Variants in ZBTB20 observed in about 807,000 individuals in gnomAD.
ZBTB20 encodes zinc finger and BTB domain-containing protein 20.
ZBTB20 carries 9 observed loss-of-function variants against 56.9 expected under a neutral mutation model. The observed-to-expected ratio is 0.16, with a 90% confidence interval of 0.10 to 0.28. ZBTB20 has a LOEUF of 0.28. Among genes scored for constraint, ZBTB20 ranks in the 10% least tolerant of loss-of-function variants. The pLI is 1.00. For synonymous variants in ZBTB20, 417 were observed against 420.7 expected (o/e 0.99, Z 0.11); for missense variants, 655 against 1,003.0 (o/e 0.65, Z 4.69).
chr3:114,397,350 T>TACA (rs1381855241), intron 7 of ZBTB20, among the ~76,000 whole-genome samples: 1 of 152,170 alleles, frequency 6.6e-6, no homozygotes, highest in Non-Finnish European at 1.5e-5. Flanking sequence ...TAAAAGGATC[T>TACA]ACACCATGCA....
At position 114,847,257 on chromosome 3, in the gene ZBTB20, T is replaced by C. The variant is rs904189697; in HGVS notation, c.-416-46083A>G. Among the ~76,000 whole-genome samples the C allele has an allele frequency of 2.7e-5, 4 of 149,768 alleles. No homozygotes were observed. In the Admixed American group the frequency reaches 2.7e-4, roughly 10 times the overall value. On this transcript the variant is annotated intron_variant, in intron 4 of 11. Transcript: ENST00000675478. ...AGGGATACCGTCATTACTTCAGATT[T>C]GGGACCTTACCTTTAGAATTGGTTC...
At chr3:115,079,624 C>T (rs759077513) in intron 1 of ZBTB20, among the ~76,000 whole-genome samples, 6 of 152,136 alleles carry the variant, frequency 3.9e-5, no homozygotes, top group African/African-American at 9.7e-5. Context: ...GAACTCCTGA[C>T]CTCAAGTGAT....
At chr3:114,784,327 T>C (rs2070333810) in intron 5 of ZBTB20, among the ~76,000 whole-genome samples, 1 of 152,210 alleles carries the variant, frequency 6.6e-6, no homozygotes. Flanking sequence ...AAGCAGTAGA[T>C]GAACAGAAAC....
intron 4 of ZBTB20, among the ~76,000 whole-genome samples, chr3:114,808,557 C>T (rs570478923): frequency 1.3e-5 from 2 of 151,940 alleles, no homozygotes; most frequent in African/African-American, 4.8e-5. Context: ...AATCTGTCAT[C>T]TTCTCTCCTT....
chr3:114,749,485 G>A (rs139849559), intron 5 of ZBTB20, among the ~76,000 whole-genome samples: 39 of 151,832 alleles, frequency 2.6e-4, no homozygotes, highest in South Asian at 4.2e-4. Flanking sequence ...CCCAGGAGGC[G>A]GAGCTTGCAG....
chr3:115,034,370 T>TAATA (rs764655558), intron 2 of ZBTB20, among the ~76,000 whole-genome samples: 1 of 150,424 alleles, frequency 6.6e-6, no homozygotes, highest in Non-Finnish European at 1.5e-5. Context: ...CTGTTAGAAC[T>TAATA]AATAAATAAA....
chr3:115,070,768 A>C (rs972752294), intron 2 of ZBTB20, among the ~76,000 whole-genome samples: 5 of 152,034 alleles, frequency 3.3e-5, no homozygotes, highest in African/African-American at 9.7e-5. Context: ...GCATAAGAAG[A>C]CTCCTACCCA....
intron 6 of ZBTB20, among the ~76,000 whole-genome samples, chr3:114,632,772 T>C (rs1404579892): frequency 6.6e-6 from 1 of 152,208 alleles, no homozygotes; most frequent in Non-Finnish European, 1.5e-5. Flanking sequence ...GGGAGGCACA[T>C]GGGCTGATAA....
intron 4 of ZBTB20, among the ~76,000 whole-genome samples, chr3:114,828,279 C>T (rs1302952733): frequency 6.6e-6 from 1 of 151,628 alleles, no homozygotes; most frequent in African/African-American, 2.4e-5. Flanking sequence ...CTTTATTGCA[C>T]ATACATATTT....
At chr3:115,047,907 C>G (rs1213385979) in intron 2 of ZBTB20, among the ~76,000 whole-genome samples, 2 of 152,106 alleles carry the variant, frequency 1.3e-5, no homozygotes, top group African/African-American at 4.8e-5. Context: ...ATAAACAAAA[C>G]TAATACTTAT....
intron 4 of ZBTB20, among the ~76,000 whole-genome samples, chr3:114,884,714 G>A (rs1349990275): frequency 6.6e-6 from 1 of 152,024 alleles, no homozygotes; most frequent in Non-Finnish European, 1.5e-5. Flanking sequence ...TATATATTCC[G>A]AAAAAGTTCT....
At chr3:115,124,741 A>G (rs1238654955) in intron 1 of ZBTB20, among the ~76,000 whole-genome samples, 4 of 152,200 alleles carry the variant, frequency 2.6e-5, no homozygotes, top group Non-Finnish European at 1.5e-5. Context: ...CTGAGGAAAC[A>G]CAAGAACATA....
chr3:114,652,465 CT>C (rs1428543092), intron 6 of ZBTB20, among the ~76,000 whole-genome samples: 1 of 151,924 alleles, frequency 6.6e-6, no homozygotes, highest in African/African-American at 2.4e-5. Context: ...ATAAACTTGC[CT>C]GTACAAATCT....
chr3:114,387,235 T>C (rs1402211906), intron 8 of ZBTB20: 7 of 152,180 alleles, frequency 4.6e-5, no homozygotes, highest in Admixed American at 2.6e-4. Context: ...GCCCGAAGCA[T>C]TGTCAACCCA....
At chr3:114,754,950 T>C (rs2067892643) in intron 5 of ZBTB20, among the ~76,000 whole-genome samples, 1 of 152,190 alleles carries the variant, frequency 6.6e-6, no homozygotes, top group Non-Finnish European at 1.5e-5. Flanking sequence ...ACTAGAAATG[T>C]TTAAAGTCAC....
chr3:115,068,213 T>G (rs1048656155), intron 2 of ZBTB20, among the ~76,000 whole-genome samples: 28 of 151,918 alleles, frequency 1.8e-4, no homozygotes, highest in Admixed American at 1.6e-3. Context: ...ATAAATAGTA[T>G]GTATTGTATA....
chr3:114,525,107 T>C (rs1049985789), intron 6 of ZBTB20, among the ~76,000 whole-genome samples: 1 of 152,198 alleles, frequency 6.6e-6, no homozygotes, highest in South Asian at 2.1e-4. Context: ...ATGTTCTTCA[T>C]GGCACTAATC....
intron 7 of ZBTB20, among the ~76,000 whole-genome samples, chr3:114,417,131 G>A (rs747495885): frequency 1.3e-5 from 2 of 152,086 alleles, no homozygotes; most frequent in African/African-American, 2.4e-5. Flanking sequence ...TTTCAGTGAT[G>A]TGCAGAATGG....
intron 6 of ZBTB20, among the ~76,000 whole-genome samples, chr3:114,667,901 T>C (rs191283196): frequency 1.1e-4 from 16 of 152,056 alleles, no homozygotes; most frequent in African/African-American, 3.9e-4. Context: ...GCCCACATGC[T>C]CACAAGCAAA....
Sources: gnomAD v4.1 joint callset for allele counts (sites outside exome capture counted in the v4.1 genomes callset) on GRCh38, gnomAD v4.1.1 for gene constraint, MANE v1.5 for transcripts, NCBI Gene and HGNC (gene_info 2026-07-23, HGNC 2026-07-21) for gene names.